Variants in EPHB1 observed in about 807,000 individuals in gnomAD.
The protein encoded by EPHB1 is ephrin type-B receptor 1.
A neutral mutation model predicts 94.4 loss-of-function variants in EPHB1; 30 were observed. The observed-to-expected ratio is 0.32, with a 90% CI of 0.24 to 0.43. The LOEUF is 0.43. Ranked by LOEUF, EPHB1 falls within the 20% of genes least tolerant of loss-of-function variation. The probability of loss-of-function intolerance (pLI) is 1.00; values close to 1 mark genes in which losing one functional copy is unlikely to be tolerated. For synonymous variants in EPHB1, 522 were observed against 489.1 expected, an observed-to-expected ratio of 1.07 and a Z score of -0.89; for missense variants, 1,055 against 1,308.3, an observed-to-expected ratio of 0.81 and a Z score of 2.99.
chr3:134,856,531 C>T (rs1387866810), intron 1 of EPHB1, among the ~76,000 whole-genome samples: 1 of 152,130 alleles, frequency 6.6e-6, no homozygotes, highest in Non-Finnish European at 1.5e-5. Context: ...TTCTGCCTGC[C>T]ATCGATAGAG....
At chr3:135,156,208 A>G (rs1367637703) in intron 6 of EPHB1, among the ~76,000 whole-genome samples, 2 of 151,950 alleles carry the variant, frequency 1.3e-5, no homozygotes, top group Admixed American at 1.3e-4. Context: ...GGCCAAGCAG[A>G]GATGTGAGAT....
chr3:135,033,603 G>T (rs891390889), intron 3 of EPHB1, among the ~76,000 whole-genome samples: 10 of 152,210 alleles, frequency 6.6e-5, no homozygotes, highest in African/African-American at 2.4e-4. Flanking sequence ...TAGCACTGGG[G>T]ATTCCACAGA....
chr3:135,041,871 G>T (rs1294694366), intron 3 of EPHB1, among the ~76,000 whole-genome samples: 1 of 151,456 alleles, frequency 6.6e-6, no homozygotes, highest in East Asian at 1.9e-4. Flanking sequence ...CAAAGAGAGG[G>T]CACCTGCACA....
chr3:135,149,594 G>A (rs1037913954), intron 5 of EPHB1, among the ~76,000 whole-genome samples: 1 of 152,202 alleles, frequency 6.6e-6, no homozygotes, highest in Non-Finnish European at 1.5e-5. Context: ...CTTGGAGAGG[G>A]AAAAACCAAA....
intron 3 of EPHB1, among the ~76,000 whole-genome samples, chr3:135,047,599 G>A (rs1379510030): frequency 6.6e-6 from 1 of 152,224 alleles, no homozygotes. Context: ...GGTCCCCGAG[G>A]CTGTGTGCTT....
chr3:134,993,336 G>A (rs191626186), intron 3 of EPHB1, among the ~76,000 whole-genome samples: 1 of 152,274 alleles, frequency 6.6e-6, no homozygotes, highest in African/African-American at 2.4e-5. Context: ...ACACTAATGG[G>A]GGCTGCTGAC....
intron 1 of EPHB1, among the ~76,000 whole-genome samples, chr3:134,857,209 A>G (rs1578142250): frequency 2.0e-5 from 3 of 152,204 alleles, no homozygotes; most frequent in Non-Finnish European, 4.4e-5. Context: ...GCCAGCATGC[A>G]CCTTGGAATT....
intron 5 of EPHB1, among the ~76,000 whole-genome samples, chr3:135,148,178 A>G (rs1043502943): frequency 6.6e-5 from 10 of 152,234 alleles, no homozygotes; most frequent in Non-Finnish European, 1.2e-4. Context: ...AAAAGCATCA[A>G]GTAAATCTTG....
intron 5 of EPHB1, among the ~76,000 whole-genome samples, chr3:135,150,525 A>G (rs1051518436): frequency 2.0e-5 from 3 of 152,236 alleles, no homozygotes; most frequent in Admixed American, 6.5e-5. Context: ...TGCTAAGTCC[A>G]GGACTCAGCT....
intron 5 of EPHB1, among the ~76,000 whole-genome samples, chr3:135,141,790 C>T (rs1338241421): frequency 6.6e-6 from 1 of 152,046 alleles, no homozygotes; most frequent in African/African-American, 2.4e-5. Context: ...GCAGGGCTCT[C>T]AGAGTGGCAT....
At chr3:134,900,513 A>G (rs2038178197) in intron 1 of EPHB1, among the ~76,000 whole-genome samples, 1 of 152,106 alleles carries the variant, frequency 6.6e-6, no homozygotes, top group Non-Finnish European at 1.5e-5. Context: ...TATTTTAAGT[A>G]CACATCTAAA....
Position 135,042,042 on chromosome 3 carries a change from C to T in EPHB1, c.806-64406C>T, listed in dbSNP as rs375481165. 2.8e-4 allele frequency among the ~76,000 whole-genome samples: 43 copies of T among 152,356 alleles called. No homozygotes were observed. The South Asian group carries it at 4.3e-3, about 15-fold the overall frequency. On this transcript the variant is annotated intron_variant, in intron 3 of 15. Transcript: ENST00000398015. ...CCCGATCTCCTGGGCAGTCCTCCCA[C>T]CTCAGCCACCTGAGTAGCTGAGACT...
At chr3:134,925,976 G>A in intron 2 of EPHB1, 96 bp downstream of exon 2, 3 of 1,095,668 alleles carry the variant, frequency 2.7e-6, no homozygotes, top group Non-Finnish European at 3.9e-6. Flanking sequence ...AGTACCTGTG[G>A]GGAATGGAAT....
chr3:135,104,408 T>A (rs1194284166), intron 3 of EPHB1, among the ~76,000 whole-genome samples: 1 of 152,220 alleles, frequency 6.6e-6, no homozygotes, highest in Non-Finnish European at 1.5e-5. Flanking sequence ...ATGTGTTAGA[T>A]CTTTAATAAA....
intron 3 of EPHB1, among the ~76,000 whole-genome samples, chr3:135,005,197 G>T (rs1013222084): frequency 3.9e-5 from 6 of 152,212 alleles, no homozygotes; most frequent in African/African-American, 1.4e-4. Flanking sequence ...CTCAGCTGCA[G>T]GTCTGTTGGA....
chr3:134,821,613 A>G (rs1317885063), intron 1 of EPHB1, among the ~76,000 whole-genome samples: 1 of 152,150 alleles, frequency 6.6e-6, no homozygotes, highest in African/African-American at 2.4e-5. Context: ...AAAATACTCA[A>G]AGGCTGATTG....
intron 11 of EPHB1, among the ~76,000 whole-genome samples, chr3:135,198,792 T>TA (rs1559871867): frequency 2.6e-5 from 4 of 152,190 alleles, no homozygotes; most frequent in Admixed American, 2.0e-4. Flanking sequence ...TTATCTCATT[T>TA]AGTCTCACCA....
At chr3:134,862,325 G>A (rs1371673296) in intron 1 of EPHB1, among the ~76,000 whole-genome samples, 1 of 152,046 alleles carries the variant, frequency 6.6e-6, no homozygotes, top group Non-Finnish European at 1.5e-5. Context: ...GTCCAAAGAG[G>A]TTAGCGTACT....
intron 3 of EPHB1, among the ~76,000 whole-genome samples, chr3:135,086,715 A>G (rs1271168698): frequency 6.6e-6 from 1 of 151,546 alleles, no homozygotes; most frequent in Non-Finnish European, 1.5e-5. Context: ...CCACCCCTCT[A>G]TATGCTTCTC....
Sources: allele counts gnomAD v4.1 joint callset (sites outside exome capture counted in the v4.1 genomes callset), GRCh38; gene constraint gnomAD v4.1.1; transcripts MANE v1.5; gene names NCBI Gene and HGNC (gene_info 2026-07-23, HGNC 2026-07-21).